CD5L: variants seen among roughly 807,000 people sequenced by gnomAD.
CD5L encodes the protein CD5 antigen-like.
In CD5L, 39 loss-of-function variants were observed where a neutral mutation model predicts 40.8. That is an observed-to-expected ratio of 0.96 (90% confidence interval 0.74 to 1.25). The LOEUF (loss-of-function observed/expected upper bound fraction) is 1.25, where lower values mean the gene tolerates loss of function less well. Among genes scored for constraint, CD5L ranks in the 50% most tolerant of loss-of-function variants. CD5L has a pLI of 0.00. For synonymous variants in CD5L, 192 were observed against 169.6 expected (o/e 1.13, Z -1.03); for missense variants, 433 against 435.9 (o/e 0.99, Z 0.06).
At chr1:157,839,335 C>T (rs1656300999) in intron 2 of CD5L, 49 bp downstream of exon 2, 2 of 1,593,008 alleles carry the variant, frequency 1.3e-6, no homozygotes, top group Non-Finnish European at 8.6e-7. Context: ...CAAAATTTTC[C>T]CTCTCCTAAG....
At chr1:157,839,177 C>A (rs1483783594) in intron 2 of CD5L, among the ~76,000 whole-genome samples, 1 of 152,142 alleles carries the variant, frequency 6.6e-6, no homozygotes, top group Non-Finnish European at 1.5e-5. Flanking sequence ...GGGAGAGGTA[C>A]CCCCTGCCAG....
At chr1:157,827,561 G>A (rs937317876), downstream of CD5L, among the ~76,000 whole-genome samples, 9 of 152,256 alleles carry the variant, frequency 5.9e-5, no homozygotes, top group South Asian at 6.2e-4. Context: ...GACAGTAAAT[G>A]CTCCCTTCTT....
chr1:157,834,327 T>C (rs1656131489), intron 4 of CD5L, 80 bp downstream of exon 4: 2 of 1,190,690 alleles, frequency 1.7e-6, no homozygotes, highest in East Asian at 5.0e-5. Context: ...CGTTAGTAGC[T>C]CTTTGTAAAT....
rs536723216 is a variant in CD5L, at chr1:157,831,281, T to C, written c.*683A>G. ...GTTGTATAGGGATGGACAACAAAGA[T>C]TTTTATTGGGGCAATCAGAGGATGA... On this transcript the variant is annotated 3_prime_UTR_variant, in exon 6 of 6. Transcript: ENST00000368174. 1 of 985,406 alleles carries C rather than the reference T, an allele frequency of 1.0e-6. No individual in the cohort carries two copies. Among genetic ancestry groups the C allele is most frequent in the African/African-American group, 1.7e-5 (1 of 57,362 alleles). 61.0% of individuals were successfully genotyped at this position (985,406 alleles called of 1,614,324 possible).
intron 1 of CD5L, among the ~76,000 whole-genome samples, chr1:157,840,184 T>C (rs1369465856): frequency 2.0e-5 from 3 of 152,176 alleles, no homozygotes; most frequent in African/African-American, 7.2e-5. Context: ...GCTCAGGAAG[T>C]AGCTCTATAT....
At position 157,834,447 on chromosome 1, in the gene CD5L, G is replaced by A; in HGVS notation, c.678C>T (p.Asn226=). The A allele has an allele frequency of 6.2e-7, 1 of 1,614,132 alleles. No homozygotes were observed. Among genetic ancestry groups the A allele is most frequent in the Non-Finnish European group, 8.5e-7 (1 of 1,180,002 alleles). The part of the protein sequence containing the change: ...QDCPSGPWGK[N]TCNHDEDTWV... Reference sequence around the variant, plus strand: ...ACGTGTCTTCATCATGGTTGCAGGTGTTCTTCCCCCAAGGCCCAGAAGGGC... The same window carrying A: ...ACGTGTCTTCATCATGGTTGCAGGTATTCTTCCCCCAAGGCCCAGAAGGGC... The change falls in exon 4 of 6, where the codon AAC becomes AAT. Residue 226 remains asparagine (N), a synonymous_variant. Coordinates refer to ENST00000368174, the MANE Select transcript of CD5L (RefSeq NM_005894.3).
chr1:157,840,695 C>T (rs759735939), intron 1 of CD5L, among the ~76,000 whole-genome samples: 4 of 152,112 alleles, frequency 2.6e-5, no homozygotes, highest in Non-Finnish European at 4.4e-5. Context: ...CAGGTGCAAA[C>T]GTGATATAGC....
chr1:157,836,707 G>T (rs1392588025), intron 2 of CD5L, among the ~76,000 whole-genome samples: 1 of 152,188 alleles, frequency 6.6e-6, no homozygotes, highest in African/African-American at 2.4e-5. Flanking sequence ...GGGCTGAACA[G>T]CCTAACTATC....
chr1:157,835,143 C>A (rs1656169512), intron 3 of CD5L, among the ~76,000 whole-genome samples: 1 of 152,076 alleles, frequency 6.6e-6, no homozygotes, highest in African/African-American at 2.4e-5. Flanking sequence ...TGCTCCCAAC[C>A]CTCAATCTTT....
chr1:157,829,890 G>A (rs1365052648), downstream of CD5L, among the ~76,000 whole-genome samples: 2 of 152,070 alleles, frequency 1.3e-5, no homozygotes, highest in Non-Finnish European at 2.9e-5. Context: ...ATACTTTCTG[G>A]GGTTTCTGTG....
intron 1 of CD5L, among the ~76,000 whole-genome samples, chr1:157,839,996 T>C (rs2101941634): frequency 6.6e-6 from 1 of 152,360 alleles, no homozygotes; most frequent in South Asian, 2.1e-4. Flanking sequence ...CAGCCACATA[T>C]ATGTATGCAA....
chr1:157,839,299 G>T, intron 2 of CD5L, 85 bp downstream of exon 2: 1 of 1,321,484 alleles, frequency 7.6e-7, no homozygotes, highest in Non-Finnish European at 1.1e-6. Context: ...TTTTGAACAA[G>T]TCTTTCTCTG....
At position 157,836,139 on chromosome 1, in the gene CD5L, C is replaced by T. The variant is rs376286061; in HGVS notation, c.72G>A (p.Val24=). The change falls in exon 3 of 6, where the codon GTG becomes GTA. Residue 24 remains valine (V), a synonymous_variant. Coordinates refer to ENST00000368174, the MANE Select transcript of CD5L (RefSeq NM_005894.3). The part of the protein sequence containing the change: ...RPGFLASPSG[V]RLVGGLHRCE... The stretch of plus-strand genomic sequence containing the variant: ...AGCGGTGGAGGCCCCCCACCAGCCG[C>T]ACTCCAGATGGAGACGCTGCAAAGA... 5 of 1,612,998 alleles carry T rather than the reference C, an allele frequency of 3.1e-6. No individual in the cohort carries two copies. The highest frequency in any genetic ancestry group is 4.2e-6 in the Non-Finnish European group (5 of 1,179,424).
chr1:157,840,349 G>T lies in CD5L; in HGVS notation c.29-939C>A, dbSNP rs1656335297. On this transcript the variant is annotated intron_variant, in intron 1 of 5. Coordinates refer to ENST00000368174, the MANE Select transcript of CD5L (RefSeq NM_005894.3). ...CCCTGTAACCTCCAGGAGTCCCTGA[G>T]GCCTATGCATTTTCAACTGCAAAAC... Among the ~76,000 whole-genome samples the T allele has an allele frequency of 2.6e-5, 4 of 152,020 alleles. No homozygotes were observed. In the South Asian group the frequency reaches 8.3e-4, roughly 32 times the overall value.
At chr1:157,830,467 C>T (rs111560054), downstream of CD5L, among the ~76,000 whole-genome samples, 4 of 152,294 alleles carry the variant, frequency 2.6e-5, no homozygotes, top group East Asian at 3.9e-4. Flanking sequence ...GACTCCCAGC[C>T]GAGTGGTGGG....
downstream of CD5L, among the ~76,000 whole-genome samples, chr1:157,829,277 C>T (rs531536762): frequency 6.6e-6 from 1 of 152,230 alleles, no homozygotes; most frequent in East Asian, 1.9e-4. Context: ...AGGGTTATAA[C>T]CTGATTTAAA....
downstream of CD5L, chr1:157,830,827 TA>T: frequency 2.0e-6 from 1 of 498,180 alleles, no homozygotes. Context: ...CTCTTCTACC[TA>T]ACCCTGTTTA....
Position 157,834,393 on chromosome 1 carries a change from C to G in CD5L, c.718+14G>C, listed in dbSNP as rs369657731. 6.3e-7 allele frequency: 1 copy of G among 1,592,878 alleles called. No homozygotes were observed. Among genetic ancestry groups the G allele is most frequent in the African/African-American group, 1.3e-5 (1 of 74,372 alleles). The stretch of plus-strand genomic sequence containing the variant: ...TCCATGAATAAACCTAGTCTTTGGA[C>G]GCACAGGCATTACCTTCACATTCGA... On this transcript the variant is annotated intron_variant, in intron 4 of 5. Coordinates refer to ENST00000368174, the MANE Select transcript of CD5L (RefSeq NM_005894.3).
In CD5L at chr1:157,831,442, A is replaced by G; in HGVS notation, c.*522T>C. ...ATTGTGGTCACCTGAAGCTTGAGGA[A>G]AAAAAAAAAAAGTAGTCCAATCAAA... On this transcript the variant is annotated 3_prime_UTR_variant, in exon 6 of 6. Transcript: ENST00000368174. 1 of 793,062 alleles carries G rather than the reference A, an allele frequency of 1.3e-6. No individual in the cohort carries two copies. Among genetic ancestry groups the G allele is most frequent in the Non-Finnish European group, 1.5e-6 (1 of 656,840 alleles). 49.1% of individuals were successfully genotyped at this position (793,062 alleles called of 1,614,324 possible).
Sources: allele counts gnomAD v4.1 joint callset (sites outside exome capture counted in the v4.1 genomes callset), GRCh38; gene constraint gnomAD v4.1.1; transcripts MANE v1.5; gene names NCBI Gene and HGNC (gene_info 2026-07-23, HGNC 2026-07-21).